The following USP24 variants were observed in gnomAD, a reference collection of about 807,000 sequenced individuals.
The protein encoded by USP24 is ubiquitin specific peptidase 24, also known as ubiquitin carboxyl-terminal hydrolase 24.
USP24 carries 97 observed loss-of-function variants against 361.6 expected under a neutral mutation model. That is an observed-to-expected ratio of 0.27 (90% CI 0.23 to 0.32). USP24 has a LOEUF of 0.32. Ranked by LOEUF, USP24 falls within the 10% of genes least tolerant of loss-of-function variation. The pLI, the probability that USP24 is intolerant of heterozygous loss-of-function variation, is 1.00. For missense variants in USP24, 2,353 were observed against 3,165.6 expected, an observed-to-expected ratio of 0.74 and a Z score of 6.16; for synonymous variants, 1,098 against 1,124.6, an observed-to-expected ratio of 0.98 and a Z score of 0.47.
chr1:55,108,735 A>G (rs1645862859), intron 39 of USP24, among the ~76,000 whole-genome samples: 1 of 152,192 alleles, frequency 6.6e-6, no homozygotes, highest in South Asian at 2.1e-4. Context: ...TCAAAGTTGC[A>G]TGTGTGTAGC....
intron 39 of USP24, among the ~76,000 whole-genome samples, chr1:55,108,870 C>T (rs1054242569): frequency 1.3e-5 from 2 of 152,214 alleles, no homozygotes; most frequent in African/African-American, 4.8e-5. Flanking sequence ...ACATGTAGTC[C>T]ACCCACTTCG....
chr1:55,166,300 T>A (rs577794116), intron 6 of USP24, among the ~76,000 whole-genome samples: 3 of 152,142 alleles, frequency 2.0e-5, no homozygotes, highest in Non-Finnish European at 4.4e-5. Context: ...TTTATCGTTG[T>A]GCTCCGTAAC....
chr1:55,189,381 A>C (rs13353010), intron 1 of USP24, among the ~76,000 whole-genome samples: 4,064 of 152,310 alleles, frequency 0.027, 133 homozygotes, highest in African/African-American at 0.073. Context: ...TTGAATGAAC[A>C]TAGTGAGTTG....
intron 25 of USP24, 66 bp downstream of exon 25, chr1:55,138,878 T>C (rs1228867110): frequency 2.0e-6 from 3 of 1,527,706 alleles, no homozygotes; most frequent in Non-Finnish European, 2.7e-6. Context: ...CTAGAAAGGC[T>C]GAGGTGGGAA....
intron 1 of USP24, among the ~76,000 whole-genome samples, chr1:55,196,818 G>A (rs1286746288): frequency 6.6e-6 from 1 of 152,156 alleles, no homozygotes; most frequent in Admixed American, 6.5e-5. Flanking sequence ...AGGCCCTAAT[G>A]GGGAGCTGAC....
chr1:55,120,937 C>A (rs930452379), intron 37 of USP24, among the ~76,000 whole-genome samples, 181 bp from the exon 38 acceptor site: 1 of 152,162 alleles, frequency 6.6e-6, no homozygotes, highest in East Asian at 1.9e-4. Flanking sequence ...AAACCCACTG[C>A]GGTTTGGGAA....
intron 34 of USP24, 81 bp from the exon 35 acceptor site, chr1:55,124,709 A>C: frequency 2.0e-6 from 3 of 1,479,340 alleles, no homozygotes; most frequent in African/African-American, 1.4e-5. Flanking sequence ...TACAGGTCTC[A>C]GTTTCATACG....
chr1:55,132,107 G>A (rs1646610419), intron 31 of USP24, among the ~76,000 whole-genome samples: 1 of 152,140 alleles, frequency 6.6e-6, no homozygotes, highest in African/African-American at 2.4e-5. Flanking sequence ...ATGTATTAAA[G>A]CTTCTTTTGG....
chr1:55,108,690 A>G (rs551810452), intron 39 of USP24, among the ~76,000 whole-genome samples: 1 of 152,270 alleles, frequency 6.6e-6, no homozygotes, highest in African/African-American at 2.4e-5. Context: ...TCAACAACAC[A>G]GGGAAGGTCT....
chr1:55,213,528 C>T (rs966428564), intron 1 of USP24, among the ~76,000 whole-genome samples: 1 of 152,208 alleles, frequency 6.6e-6, no homozygotes, highest in African/African-American at 2.4e-5. Context: ...CTTAGCTTCA[C>T]TAAGCTTAAT....
At chr1:55,141,467 G>C (rs1646887737) in intron 24 of USP24, 149 bp downstream of exon 24, 1 of 714,754 alleles carries the variant, frequency 1.4e-6, no homozygotes, top group Non-Finnish European at 2.3e-6. Flanking sequence ...GTATGATGGG[G>C]AACATGTAAT....
intron 1 of USP24, among the ~76,000 whole-genome samples, chr1:55,181,842 G>A (rs976822485): frequency 6.6e-6 from 1 of 152,128 alleles, no homozygotes; most frequent in African/African-American, 2.4e-5. Context: ...GACTATATTT[G>A]GAGATAGTGC....
At chr1:55,182,474 G>C (rs1000663860) in intron 1 of USP24, among the ~76,000 whole-genome samples, 1 of 152,024 alleles carries the variant, frequency 6.6e-6, no homozygotes, top group Non-Finnish European at 1.5e-5. Context: ...TTCTGAGGTG[G>C]GTGTAGTTCA....
intron 16 of USP24, among the ~76,000 whole-genome samples, chr1:55,151,058 A>C (rs1054521137): frequency 2.0e-5 from 3 of 152,220 alleles, no homozygotes; most frequent in Admixed American, 2.0e-4. Context: ...AAGGGACTGA[A>C]TTCTGTTTTC....
chr1:55,079,268 G>T (rs750024554), intron 60 of USP24, among the ~76,000 whole-genome samples: 1 of 152,162 alleles, frequency 6.6e-6, no homozygotes, highest in Non-Finnish European at 1.5e-5. Context: ...TACAATTAAC[G>T]AAATGATTTT....
intron 28 of USP24, among the ~76,000 whole-genome samples, chr1:55,135,391 T>C (rs1018400965): frequency 3.3e-5 from 5 of 152,184 alleles, no homozygotes; most frequent in Non-Finnish European, 7.3e-5. Context: ...ACTTTCTGAG[T>C]GCTAACATGA....
chr1:55,197,819 T>C (rs1182266411), intron 1 of USP24, among the ~76,000 whole-genome samples: 1 of 152,238 alleles, frequency 6.6e-6, no homozygotes. Context: ...CCTGTTCAAC[T>C]GAAATCTATC....
chr1:55,196,687 A>G (rs1644427896), intron 1 of USP24, among the ~76,000 whole-genome samples: 1 of 152,184 alleles, frequency 6.6e-6, no homozygotes, highest in African/African-American at 2.4e-5. Context: ...AGGCATCTAA[A>G]ATTAACATGT....
intron 31 of USP24, among the ~76,000 whole-genome samples, chr1:55,129,920 A>C (rs1312186031): frequency 6.6e-6 from 1 of 152,216 alleles, no homozygotes. Context: ...AAAGTTTTAT[A>C]AAACAGCCCA....
Sources: allele counts gnomAD v4.1 joint callset (sites outside exome capture counted in the v4.1 genomes callset), GRCh38; gene constraint gnomAD v4.1.1; transcripts MANE v1.5; gene names NCBI Gene and HGNC (gene_info 2026-07-23, HGNC 2026-07-21).